The following TRIM61 variants were observed in gnomAD, a reference collection of about 807,000 sequenced individuals.
TRIM61 encodes the protein putative tripartite motif-containing protein 61.
TRIM61 carries 1 observed loss-of-function variant against 14.2 expected under a neutral mutation model. That is an observed-to-expected ratio of 0.07 (90% CI 0.03 to 0.33). TRIM61 has a LOEUF of 0.33. TRIM61 is among the 10% of genes least tolerant of loss of function. The pLI is 0.99. For synonymous variants in TRIM61, 8 were observed against 71.6 expected, an observed-to-expected ratio of 0.11 and a Z score of 4.49; for missense variants, 19 against 202.2, an observed-to-expected ratio of 0.09 and a Z score of 5.49.
intron 3 of TRIM61, among the ~76,000 whole-genome samples, chr4:164,961,153 C>CAAAAAGAAAAAAAAAAAAAAAAAAAAAA (rs1732123609): frequency 3.2e-5 from 1 of 31,718 alleles, no homozygotes; most frequent in African/African-American, 1.1e-4. Flanking sequence ...AACTCTCAGG[C>CAAAAAGAAAAAAAAAAAAAAAAAAAAAA]AAAAAAAAAA....
At chr4:164,977,240 CA>C (rs1258343681) in intron 1 of TRIM61, among the ~76,000 whole-genome samples, 1 of 152,184 alleles carries the variant, frequency 6.6e-6, no homozygotes, top group African/African-American at 2.4e-5. Flanking sequence ...CTTAACTCCC[CA>C]ACCCCCACTC....
In TRIM61 at chr4:164,969,734, C is replaced by T. The variant is rs1732319840; in HGVS notation, c.269G>A (p.Arg90Lys). 2.5e-6 allele frequency: 4 copies of T among 1,609,512 alleles called. No individual in the cohort carries two copies. The highest frequency in any genetic ancestry group is 3.4e-6 in the Non-Finnish European group (4 of 1,176,846). The change falls in exon 3 of 5, where the codon AGG (arginine) becomes AAG (lysine). Residue 90 changes from arginine (R) to lysine (K), a missense_variant. Arg to Lys is a conservative substitution (Grantham distance 26). Around this residue, in one of 2 missense-constraint regions of TRIM61, gnomAD observed 17 missense variants for 105.5 expected, o/e 0.16. Coordinates refer to ENST00000329314, the MANE Select transcript of TRIM61 (RefSeq NM_001012414.3). Reference sequence around the variant, plus strand: ...CTTACACACATGCTTCTCTTCCTGCCTCTTCCTCTTCTTGCTTCTTATCTG... The same window carrying T: ...CTTACACACATGCTTCTCTTCCTGCTTCTTCCTCTTCTTGCTTCTTATCTG...
At chr4:164,968,596 A>G (rs1284493977) in intron 3 of TRIM61, 2 of 985,664 alleles carry the variant, frequency 2.0e-6, no homozygotes, top group Non-Finnish European at 2.4e-6. Flanking sequence ...TTCATTCAGA[A>G]TCTGTTACTG....
intron 3 of TRIM61, among the ~76,000 whole-genome samples, chr4:164,959,339 C>G (rs1732082861): frequency 6.6e-6 from 1 of 152,008 alleles, no homozygotes; most frequent in Admixed American, 6.6e-5. Flanking sequence ...TAAGAATTAT[C>G]TTTTATCTTC....
chr4:164,970,393 A>C (rs1185226699), intron 2 of TRIM61, 54 bp from the exon 3 acceptor site: 1 of 198,352 alleles, frequency 5.0e-6, no homozygotes, highest in Non-Finnish European at 1.0e-5. Context: ...AATGTATTAA[A>C]CGTTCACACA....
chr4:164,968,083 C>T lies in TRIM61; in HGVS notation c.525+1395G>A, dbSNP rs1468254747. 14 of 787,726 alleles carry T rather than the reference C, an allele frequency of 1.8e-5. 1 individual carries two copies. Among genetic ancestry groups the T allele is most frequent in the East Asian group, 1.3e-4 (1 of 7,642 alleles). The allele number at this position is 787,726 out of a possible 1,614,324, so 48.8% of individuals were successfully genotyped here. A position where few individuals can be genotyped will look rare whatever the true frequency, so the allele number is the denominator to read the frequency against. On this transcript the variant is annotated intron_variant, in intron 3 of 4. Transcript: ENST00000329314. ...TGAAGAATAGCTTGAACCTGGGAGA[C>T]GGAGGTTGCAGTGAGCCGAGATCCT...
At chr4:164,959,031 TTGTTC>T (rs1322675051) in intron 3 of TRIM61, 4 of 167,118 alleles carry the variant, frequency 2.4e-5, no homozygotes, top group African/African-American at 9.6e-5. Flanking sequence ...GACTATATAA[TTGTTC>T]ACAGCTGAGC....
chr4:164,967,869 T>A lies in TRIM61; in HGVS notation c.525+1609A>T, dbSNP rs182483948. 3.9e-3 allele frequency among the ~76,000 whole-genome samples: 593 copies of A among 150,292 alleles called. 17 individuals are homozygous for A. The highest frequency in any genetic ancestry group is 0.031 in the Admixed American group (470 of 15,108). On this transcript the variant is annotated intron_variant, in intron 3 of 4. Coordinates refer to ENST00000329314, the MANE Select transcript of TRIM61 (RefSeq NM_001012414.3). The stretch of plus-strand genomic sequence containing the variant: ...AAAAAAAAGGCTGAAAGTAGCTACC[T>A]GGCTGGGCGTGGTGGCTCACACCTG...
In TRIM61 at chr4:164,955,099, CAAAAAAAA is replaced by C; in HGVS notation, c.526-11_526-4del. 1.2e-5 allele frequency: 1 copy of C among 82,710 alleles called. No homozygotes were observed. Among genetic ancestry groups the C allele is most frequent in the Non-Finnish European group, 2.5e-5 (1 of 40,168 alleles). The allele number at this position is 82,710 out of a possible 1,614,324, so 5.1% of individuals were successfully genotyped here. ...CTGGTGACAGAAGGAGACTCCATCTCAAAAAAAAAAAAAAAAAAAATTATTATGGTATT... is the reference window on the plus strand; with the variant it reads ...CTGGTGACAGAAGGAGACTCCATCTCAAAAAAAAAAAATTATTATGGTATT... On this transcript the variant is annotated splice_polypyrimidine_tract_variant and splice_region_variant and intron_variant, in intron 3 of 4. Transcript: ENST00000329314.
chr4:164,957,809 TAGC>T (rs1182384340), intron 3 of TRIM61: 3 of 243,836 alleles, frequency 1.2e-5, no homozygotes, highest in African/African-American at 6.8e-5. Flanking sequence ...ATAAGTGAGA[TAGC>T]AGAGTAAACT....
chr4:164,957,542 T>G, intron 3 of TRIM61: 2 of 1,542,104 alleles, frequency 1.3e-6, no homozygotes, highest in East Asian at 4.5e-5. Context: ...ATCTGACATC[T>G]GAAACAGCAA....
At chr4:164,968,650 A>G in intron 3 of TRIM61, 1 of 985,622 alleles carries the variant, frequency 1.0e-6, no homozygotes, top group Non-Finnish European at 1.2e-6. Flanking sequence ...TATAAAAATA[A>G]GGCCAAAGTG....
intron 3 of TRIM61, among the ~76,000 whole-genome samples, chr4:164,961,174 AAAAAAAAAAAAAAAAAAAAG>A (rs1732128216): frequency 1.0e-5 from 1 of 98,906 alleles, no homozygotes; most frequent in African/African-American, 3.4e-5. Context: ...AAAAAAAAAA[AAAAAAAAAAAAAAAAAAAAG>A]AAAGAAAAAT....
intron 3 of TRIM61, among the ~76,000 whole-genome samples, chr4:164,960,770 G>T (rs1340981762): frequency 6.6e-6 from 1 of 152,054 alleles, no homozygotes; most frequent in Non-Finnish European, 1.5e-5. Flanking sequence ...AACCAACGTG[G>T]TGAAAACCCA....
intron 3 of TRIM61, among the ~76,000 whole-genome samples, chr4:164,959,788 C>T (rs1472401026): frequency 2.0e-5 from 3 of 152,160 alleles, no homozygotes; most frequent in Non-Finnish European, 4.4e-5. Flanking sequence ...ACTTCAAACT[C>T]TGCCTAACTC....
chr4:164,965,721 C>T (rs1188788329), intron 3 of TRIM61, among the ~76,000 whole-genome samples: 2 of 152,160 alleles, frequency 1.3e-5, no homozygotes, highest in African/African-American at 4.8e-5. Flanking sequence ...GCATGAGACA[C>T]TGTGCCCGGC....
At chr4:164,959,894 AG>A (rs1247255892) in intron 3 of TRIM61, among the ~76,000 whole-genome samples, 17 of 152,254 alleles carry the variant, frequency 1.1e-4, no homozygotes, top group Non-Finnish European at 2.2e-4. Flanking sequence ...CTCCCGAAAA[AG>A]TATGTTGAAG....
chr4:164,977,376 T>C (rs1350935443), intron 1 of TRIM61, among the ~76,000 whole-genome samples, 155 bp downstream of exon 1: 1 of 152,188 alleles, frequency 6.6e-6, no homozygotes. Context: ...CAATCCTGAA[T>C]TTTTCACAAG....
intron 2 of TRIM61, among the ~76,000 whole-genome samples, chr4:164,972,717 G>T (rs1187533356): frequency 6.6e-6 from 1 of 152,204 alleles, no homozygotes; most frequent in African/African-American, 2.4e-5. Context: ...TTGAACTCTG[G>T]ACTCCAAGTG....
Sources: gnomAD v4.1 joint callset for allele counts (sites outside exome capture counted in the v4.1 genomes callset) on GRCh38, gnomAD v4.1.1 for gene constraint, gnomAD v4.1.1 regional missense constraint, MANE v1.5 for transcripts, NCBI Gene and HGNC (gene_info 2026-07-23, HGNC 2026-07-21) for gene names.